OR13J1: variants seen among roughly 807,000 people sequenced by gnomAD.
OR13J1 encodes olfactory receptor 13J1.
Under a neutral mutation model 6.4 loss-of-function variants are expected in OR13J1, and 6 were observed. The observed-to-expected ratio is 0.93, with a 90% CI of 0.51 to 1.84. OR13J1 has a LOEUF of 1.84. Among genes scored for constraint, OR13J1 ranks in the 40% most tolerant of loss-of-function variants. The pLI is 0.01. For synonymous variants in OR13J1, 175 were observed against 182.4 expected (o/e 0.96, Z 0.33); for missense variants, 382 against 395.6 (o/e 0.97, Z 0.29).
chr9:35,870,145 A>G lies in OR13J1; in HGVS notation c.257T>C (p.Leu86Pro), dbSNP rs770719674. 6.2e-7 allele frequency: 1 copy of G among 1,614,248 alleles called. No individual in the cohort carries two copies. Among genetic ancestry groups the G allele is most frequent in the East Asian group, 2.2e-5 (1 of 44,884 alleles). ...TFVPLMLVHLLSSRKTISFAV... is the reference protein window; with the variant it reads ...TFVPLMLVHLPSSRKTISFAV... ...AAAGGAGATGGTCTTCCGGGATGACAGGAGGTGGACCAGCATCAGAGGCAC... is the reference window on the plus strand; with the variant it reads ...AAAGGAGATGGTCTTCCGGGATGACGGGAGGTGGACCAGCATCAGAGGCAC... The change falls in exon 1 of 1, where the codon CTG (leucine) becomes CCG (proline). Residue 86 changes from leucine (L) to proline (P), a missense_variant. Transcript: ENST00000377981.
chr9:35,870,036 G>A lies in OR13J1; in HGVS notation c.366C>T (p.Arg122=). The change falls in exon 1 of 1, where the codon CGC becomes CGT. Residue 122 remains arginine (R), a synonymous_variant. Coordinates refer to ENST00000377981, the MANE Select transcript of OR13J1 (RefSeq NM_001004487.1). ...TGAGTGGCTGGCAGATGGCCAGGTA[G>A]CGGTCATAGGCCGTGATGGCCAGTA... The part of the protein sequence containing the change: ...CLLLAITAYD[R]YLAICQPLRY... 2 of 1,614,134 alleles carry A rather than the reference G, an allele frequency of 1.2e-6. No individual in the cohort carries two copies. The highest frequency in any genetic ancestry group is 1.7e-6 in the Non-Finnish European group (2 of 1,179,956).
rs1370705311 is a variant in OR13J1, at chr9:35,869,514, C to T, written c.888G>A (p.Glu296=). 4 of 1,613,976 alleles carry T rather than the reference C, an allele frequency of 2.5e-6. No homozygotes were observed. The highest frequency in any genetic ancestry group is 8.5e-7 in the Non-Finnish European group (1 of 1,180,018). ...ACACCTTCCTGGCGGCCTCCTTCAC[C>T]TCCTTGTTCCTCAGGCTGTAGATGG... is the stretch of plus-strand genomic sequence containing the variant. ...NPTIYSLRNK[E]VKEAARKVWG... is the part of the protein sequence containing the mutation. Residue 296 remains glutamate (E), a synonymous_variant, in exon 1 of 1, where the codon GAG becomes GAA. Coordinates refer to ENST00000377981, the MANE Select transcript of OR13J1 (RefSeq NM_001004487.1).
Position 35,870,130 on chromosome 9 carries a change from G to T in OR13J1, c.272C>A (p.Thr91Asn). 3 of 1,614,254 alleles carry T rather than the reference G, an allele frequency of 1.9e-6. No homozygotes were observed. The highest frequency in any genetic ancestry group is 1.7e-6 in the Non-Finnish European group (2 of 1,180,048). The change falls in exon 1 of 1, where the codon ACC (threonine) becomes AAC (asparagine). Residue 91 changes from threonine (T) to asparagine (N), a missense_variant. Thr to Asn is a moderately conservative substitution (Grantham distance 65, BLOSUM62 0). Coordinates refer to ENST00000377981, the MANE Select transcript of OR13J1 (RefSeq NM_001004487.1). ...MLVHLLSSRK[T>N]ISFAVCAIQM... ...GATGGCACAGACAGCAAAGGAGATG[G>T]TCTTCCGGGATGACAGGAGGTGGAC...
rs780097129 is a variant in OR13J1 at position 35,870,358 on chromosome 9, T to C, written c.44A>G (p.Lys15Arg). ...NRTEVSEFFL[K>R]GFSGYPALEH... ...CAGGGCTGGGTAGCCAGAAAATCCT[T>C]TCAGAAAGAACTCGGACACCTCTGT... Residue 15 changes from lysine to arginine, a missense_variant, in exon 1 of 1, where the codon AAA becomes AGA. Lys to Arg is a conservative substitution (Grantham distance 26). Transcript: ENST00000377981. 9 of 1,609,618 alleles carry C rather than the reference T, an allele frequency of 5.6e-6. No homozygotes were observed. The South Asian group carries it at 9.9e-5, about 18-fold the overall frequency.
rs747336704 is a variant in OR13J1, at chr9:35,869,832, G to A, written c.570C>T (p.Gly190=). The change falls in exon 1 of 1, where the codon GGC becomes GGT. Residue 190 remains glycine (G), a synonymous_variant. Transcript: ENST00000377981. ...GGAAGTCTTCGCTGACCGACGTGTT[G>A]CCGCATGCCAGCTTCAGCACTGCCA... is the stretch of plus-strand genomic sequence containing the variant. ...KILAVLKLAC[G]NTSVSEDFLL... 1 of 1,613,984 alleles carries A rather than the reference G, an allele frequency of 6.2e-7. No homozygotes were observed. Among genetic ancestry groups the A allele is most frequent in the South Asian group, 1.1e-5 (1 of 91,088 alleles).
rs1276813276 is a variant in OR13J1 at position 35,869,617 on chromosome 9, G to A, written c.785C>T (p.Pro262Leu). The A allele has an allele frequency of 1.2e-6, 2 of 1,614,066 alleles. No individual in the cohort carries two copies. The highest frequency in any genetic ancestry group is 1.3e-5 in the African/African-American group (1 of 75,016). ...AGAGATGTGGGCTTCCTTACTCTTG[G>A]GCTTCAAGTACATGAAGATGATGGT... ...YGTIIFMYLK[P>L]KSKEAHISDE... The change falls in exon 1 of 1, where the codon CCC becomes CTC. Residue 262 changes from proline to leucine, a missense_variant. By Grantham distance (98) the Pro-to-Leu change is moderately conservative (BLOSUM62 -3). Coordinates refer to ENST00000377981, the MANE Select transcript of OR13J1 (RefSeq NM_001004487.1).
chr9:35,869,721 C>A lies in OR13J1; in HGVS notation c.681G>T (p.Arg227Ser). 6.2e-7 allele frequency: 1 copy of A among 1,613,468 alleles called. No homozygotes were observed. The highest frequency in any genetic ancestry group is 8.5e-7 in the Non-Finnish European group (1 of 1,180,018). ...SYLLILATIL[R>S]VPSAARCCKA... ...TGCAGCACCTGGCGGCCGAGGGCAC[C>A]CTCAGGATGGTGGCCAGGATGAGCA... Residue 227 changes from arginine to serine, a missense_variant, in exon 1 of 1, where the codon AGG becomes AGT. Arg to Ser is a moderately radical substitution (Grantham distance 110, BLOSUM62 -1). Transcript: ENST00000377981.
chr9:35,869,548 A>C lies in OR13J1; in HGVS notation c.854T>G (p.Leu285Arg). ...TVLYAMVTTMLNPTIYSLRNK... is the reference protein window; with the variant it reads ...TVLYAMVTTMRNPTIYSLRNK... ...CCTCAGGCTGTAGATGGTGGGGTTC[A>C]GCATGGTCGTGACCATGGCATAGAG... The change falls in exon 1 of 1, where the codon CTG becomes CGG. Residue 285 changes from leucine (L) to arginine (R), a missense_variant. Coordinates refer to ENST00000377981, the MANE Select transcript of OR13J1 (RefSeq NM_001004487.1). The C allele has an allele frequency of 6.2e-7, 1 of 1,614,094 alleles. No homozygotes were observed. The highest frequency in any genetic ancestry group is 8.5e-7 in the Non-Finnish European group (1 of 1,179,992).
chr9:35,869,928 A>G lies in OR13J1; in HGVS notation c.474T>C (p.Thr158=). 1 of 1,614,252 alleles carries G rather than the reference A, an allele frequency of 6.2e-7. No homozygotes were observed. The highest frequency in any genetic ancestry group is 8.5e-7 in the Non-Finnish European group (1 of 1,180,044). The change falls in exon 1 of 1, where the codon ACT becomes ACC. Residue 158 remains threonine, a synonymous_variant. Transcript: ENST00000377981. ...GCAGCCTCATGGAGATGACCATCTC[A>G]GTCACCGACTTGAGGAGGCAGAGGA... is the stretch of plus-strand genomic sequence containing the variant. ...AWVLCLLKSV[T]EMVISMRLPF...
At position 35,869,513 on chromosome 9, in the gene OR13J1, C is replaced by A. The variant is rs781475016; in HGVS notation, c.889G>T (p.Val297Leu). 1.9e-6 allele frequency: 3 copies of A among 1,614,096 alleles called. No homozygotes were observed. Among genetic ancestry groups the A allele is most frequent in the South Asian group, 2.2e-5 (2 of 91,082 alleles). Residue 297 changes from valine (V) to leucine (L), a missense_variant, in exon 1 of 1, where the codon GTG (valine) becomes TTG (leucine). Transcript: ENST00000377981. ...PTIYSLRNKEVKEAARKVWGR... is the reference protein window; with the variant it reads ...PTIYSLRNKELKEAARKVWGR... ...CACACCTTCCTGGCGGCCTCCTTCA[C>A]CTCCTTGTTCCTCAGGCTGTAGATG...
Position 35,870,292 on chromosome 9 carries a change from A to G in OR13J1, c.110T>C (p.Val37Ala), listed in dbSNP as rs763386327. The change falls in exon 1 of 1, where the codon GTG (valine) becomes GCG (alanine). Residue 37 changes from valine (V) to alanine (A), a missense_variant. Physicochemically the swap from Val to Ala is moderately conservative, Grantham distance 64. Transcript: ENST00000377981. ...LFPLCSAMYLVTLLGNTAIMA... is the reference protein window; with the variant it reads ...LFPLCSAMYLATLLGNTAIMA... ...GATGGCTGTGTTCCCCAGGAGGGTC[A>G]CCAGGTACATGGCTGAGCACAGAGG... The G allele has an allele frequency of 1.9e-6, 3 of 1,613,936 alleles. No individual in the cohort carries two copies. Among genetic ancestry groups the G allele is most frequent in the Non-Finnish European group, 2.5e-6 (3 of 1,179,994 alleles).
chr9:35,869,869 G>T lies in OR13J1; in HGVS notation c.533C>A (p.Thr178Asn). ...FCGHHVVSHF[T>N]CKILAVLKLA... ...CTTCAGCACTGCCAGGATCTTGCAG[G>T]TGAAGTGACTGACCACGTGGTGGCC... The change falls in exon 1 of 1, where the codon ACC becomes AAC. Residue 178 changes from threonine (T) to asparagine (N), a missense_variant. Physicochemically the swap from Thr to Asn is moderately conservative, Grantham distance 65. Coordinates refer to ENST00000377981, the MANE Select transcript of OR13J1 (RefSeq NM_001004487.1). The T allele has an allele frequency of 1.2e-6, 2 of 1,614,210 alleles. No homozygotes were observed. Among genetic ancestry groups the T allele is most frequent in the Non-Finnish European group, 1.7e-6 (2 of 1,180,042 alleles).
rs894179950 is a variant in OR13J1 at position 35,869,500 on chromosome 9, G to A, written c.902C>T (p.Ala301Val). The A allele has an allele frequency of 6.2e-7, 1 of 1,613,676 alleles. No individual in the cohort carries two copies. The highest frequency in any genetic ancestry group is 1.3e-5 in the African/African-American group (1 of 74,906). Residue 301 changes from alanine to valine, a missense_variant, in exon 1 of 1, where the codon GCC becomes GTC. By Grantham distance (64) the Ala-to-Val change is moderately conservative (BLOSUM62 0). Coordinates refer to ENST00000377981, the MANE Select transcript of OR13J1 (RefSeq NM_001004487.1). ...CCGACTCCTGCCCCACACCTTCCTG[G>A]CGGCCTCCTTCACCTCCTTGTTCCT... ...SLRNKEVKEA[A>V]RKVWGRSRAS...
chr9:35,869,944 A>G lies in OR13J1; in HGVS notation c.458T>C (p.Leu153Pro), dbSNP rs780179470. 6.2e-7 allele frequency: 1 copy of G among 1,614,222 alleles called. No individual in the cohort carries two copies. The highest frequency in any genetic ancestry group is 8.5e-7 in the Non-Finnish European group (1 of 1,180,038). Residue 153 changes from leucine to proline, a missense_variant, in exon 1 of 1, where the codon CTC (leucine) becomes CCC (proline). By Grantham distance (98) the Leu-to-Pro change is moderately conservative. Coordinates refer to ENST00000377981, the MANE Select transcript of OR13J1 (RefSeq NM_001004487.1). ...GACCATCTCAGTCACCGACTTGAGG[A>G]GGCAGAGGACCCAGGCAGCTCCCAT... is the stretch of plus-strand genomic sequence containing the variant. ...LLMGAAWVLC[L>P]LKSVTEMVIS...
chr9:35,869,763 G>A lies in OR13J1; in HGVS notation c.639C>T (p.Phe213=), dbSNP rs769190280. The change falls in exon 1 of 1, where the codon TTC becomes TTT. Residue 213 remains phenylalanine, a synonymous_variant. Transcript: ENST00000377981. ...SILLLPVPLA[F]ICLSYLLILA... ...GGATGAGCAAGTAGGACAGGCAGAT[G>A]AATGCCAGGGGTACAGGCAGCAGCA... 5.6e-6 allele frequency: 9 copies of A among 1,613,764 alleles called. No homozygotes were observed. Among genetic ancestry groups the A allele is most frequent in the Non-Finnish European group, 7.6e-6 (9 of 1,180,032 alleles).
Position 35,869,709 on chromosome 9 carries a change from G to A in OR13J1, c.693C>T (p.Ala231=), listed in dbSNP as rs765994239. 50 of 1,613,484 alleles carry A rather than the reference G, an allele frequency of 3.1e-5. No individual in the cohort carries two copies. In the Admixed American group the frequency reaches 3.3e-4, roughly 11 times the overall value. Residue 231 remains alanine (A), a synonymous_variant, in exon 1 of 1, where the codon GCC becomes GCT. Transcript: ENST00000377981. ...TGGAGAAGGCTTTGCAGCACCTGGC[G>A]GCCGAGGGCACCCTCAGGATGGTGG... ...ILATILRVPS[A]ARCCKAFSTC...
Position 35,870,028 on chromosome 9 carries a change from G to T in OR13J1, c.374C>A (p.Ala125Asp), listed in dbSNP as rs1348567719. ...GTGGTACCTGAGTGGCTGGCAGATG[G>T]CCAGGTAGCGGTCATAGGCCGTGAT... ...LAITAYDRYL[A>D]ICQPLRYHVL... Residue 125 changes from alanine (A) to aspartate (D), a missense_variant, in exon 1 of 1, where the codon GCC (alanine) becomes GAC (aspartate). Ala to Asp is a moderately radical substitution (Grantham distance 126, BLOSUM62 -2). Transcript: ENST00000377981. 1 of 1,614,142 alleles carries T rather than the reference G, an allele frequency of 6.2e-7. No individual in the cohort carries two copies.
In OR13J1 at chr9:35,870,013, A is replaced by G. The variant is rs1382300574; in HGVS notation, c.389T>C (p.Leu130Pro). 3.1e-6 allele frequency: 5 copies of G among 1,614,074 alleles called. No homozygotes were observed. In the Admixed American group the frequency reaches 8.3e-5, roughly 27 times the overall value. Residue 130 changes from leucine (L) to proline (P), a missense_variant, in exon 1 of 1, where the codon CTC becomes CCC. Coordinates refer to ENST00000377981, the MANE Select transcript of OR13J1 (RefSeq NM_001004487.1). ...YDRYLAICQP[L>P]RYHVLMSHRL... ...GTGGCTCATGAGCACGTGGTACCTGAGTGGCTGGCAGATGGCCAGGTAGCG... is the reference window on the plus strand; with the variant it reads ...GTGGCTCATGAGCACGTGGTACCTGGGTGGCTGGCAGATGGCCAGGTAGCG...
At position 35,870,044 on chromosome 9, in the gene OR13J1, A is replaced by G; in HGVS notation, c.358T>C (p.Tyr120His). 6.2e-7 allele frequency: 1 copy of G among 1,614,240 alleles called. No individual in the cohort carries two copies. Among genetic ancestry groups the G allele is most frequent in the Non-Finnish European group, 8.5e-7 (1 of 1,180,036 alleles). Residue 120 changes from tyrosine to histidine, a missense_variant, in exon 1 of 1, where the codon TAT becomes CAT. Coordinates refer to ENST00000377981, the MANE Select transcript of OR13J1 (RefSeq NM_001004487.1). The part of the protein sequence containing the change: ...TECLLLAITA[Y>H]DRYLAICQPL... ...TGGCAGATGGCCAGGTAGCGGTCATAGGCCGTGATGGCCAGTAGCAGGCAC... is the reference window on the plus strand; with the variant it reads ...TGGCAGATGGCCAGGTAGCGGTCATGGGCCGTGATGGCCAGTAGCAGGCAC...
Sources: gnomAD v4.1 joint callset for allele counts on GRCh38, gnomAD v4.1.1 for gene constraint, MANE v1.5 for transcripts, NCBI Gene and HGNC (gene_info 2026-07-23, HGNC 2026-07-21) for gene names.